THBS2: variants seen among roughly 807,000 people sequenced by gnomAD.
THBS2 encodes thrombospondin 2.
In THBS2, 47 loss-of-function variants were observed where a neutral mutation model predicts 135.2. The observed-to-expected ratio is 0.35, with a 90% CI of 0.28 to 0.44. The LOEUF is 0.44. Among genes scored for constraint, THBS2 ranks in the 20% least tolerant of loss-of-function variants. THBS2 has a pLI of 1.00. For missense variants in THBS2, 1,288 were observed against 1,603.1 expected (o/e 0.80, Z 3.36); for synonymous variants, 639 against 633.8 (o/e 1.01, Z -0.12).
chr6:169,238,296 A>C (rs1475789922), intron 7 of THBS2, among the ~76,000 whole-genome samples: 2 of 152,242 alleles, frequency 1.3e-5, no homozygotes. Flanking sequence ...AATAAAAAGG[A>C]GATTCCCTGT....
rs141459120 is a variant in THBS2 at position 169,237,686 on chromosome 6, G to A, written c.1239C>T (p.Asn413=). 1.6e-5 allele frequency: 25 copies of A among 1,612,894 alleles called. No individual in the cohort carries two copies. The highest frequency in any genetic ancestry group is 2.1e-5 in the Non-Finnish European group (25 of 1,179,968). The change falls in exon 8 of 22, where the codon AAC becomes AAT. Residue 413 remains asparagine (N), a synonymous_variant. Transcript: ENST00000617924. ...TCTGGATGGAGGGCCCCAAGCAGGT[G>A]TTGCTGGTGACGTCACAGGACCGGC... ...QRGRSCDVTS[N]TCLGPSIQTR...
chr6:169,220,146 C>T, intron 21 of THBS2, 52 bp downstream of exon 21: 2 of 1,591,644 alleles, frequency 1.3e-6, no homozygotes, highest in Non-Finnish European at 1.7e-6. Context: ...TACCCCTTTC[C>T]CTTTCTGGGT....
At chr6:169,227,174 G>C (rs576719373) in intron 15 of THBS2, among the ~76,000 whole-genome samples, 226 of 152,278 alleles carry the variant, frequency 1.5e-3, no homozygotes, top group African/African-American at 5.4e-3. Flanking sequence ...GCTCAGAAAG[G>C]GGGTGGCTGG....
Position 169,228,146 on chromosome 6 carries a change from A to G in THBS2, c.2395T>C (p.Cys799Arg), listed in dbSNP as rs1346684071. Reference sequence around the variant, plus strand: ...CCGTCCCCATCAATGTCCACGGAGCAGGCGTCACCCTCTCCATTGTTGTCT... The same window carrying G: ...CCGTCCCCATCAATGTCCACGGAGCGGGCGTCACCCTCTCCATTGTTGTCT... ...DTDNNGEGDA[C>R]SVDIDGDDVF... Residue 799 changes from cysteine (C) to arginine (R), a missense_variant, in exon 15 of 22, where the codon TGC becomes CGC. By Grantham distance (180) the Cys-to-Arg change is radical (BLOSUM62 -3). Around this residue, in one of 2 missense-constraint regions of THBS2, gnomAD observed 874 missense variants for 1,156.1 expected, o/e 0.76. Coordinates refer to ENST00000617924, the MANE Select transcript of THBS2 (RefSeq NM_003247.5). 1 of 1,613,130 alleles carries G rather than the reference A, an allele frequency of 6.2e-7. No homozygotes were observed. The highest frequency in any genetic ancestry group is 8.5e-7 in the Non-Finnish European group (1 of 1,179,940).
intron 13 of THBS2, 74 bp from the exon 14 acceptor site, chr6:169,229,753 A>C: frequency 3.2e-6 from 4 of 1,243,830 alleles, no homozygotes; most frequent in African/African-American, 1.5e-5. Context: ...AGGTGAAATG[A>C]AACCAGCATG....
intron 21 of THBS2, chr6:169,219,880 A>C: frequency 1.8e-6 from 1 of 570,628 alleles, no homozygotes; most frequent in South Asian, 1.4e-5. Flanking sequence ...AAGGGTACCA[A>C]TCTAAAATGG....
chr6:169,247,349 G>T (rs576994108), intron 3 of THBS2, among the ~76,000 whole-genome samples: 8 of 152,348 alleles, frequency 5.3e-5, no homozygotes, highest in African/African-American at 1.9e-4. Context: ...CATTGTGTGT[G>T]CACGTGTGCC....
At chr6:169,219,683 C>A in intron 21 of THBS2, 1 of 459,430 alleles carries the variant, frequency 2.2e-6, no homozygotes, top group Non-Finnish European at 4.4e-6. Context: ...TGAGAAGCAT[C>A]CTGAGCCTTA....
intron 4 of THBS2, among the ~76,000 whole-genome samples, chr6:169,243,060 A>ACTGCTC (rs1562363456): frequency 9.7e-5 from 1 of 10,314 alleles, no homozygotes; most frequent in Admixed American, 1.2e-3. Context: ...CCACCTTCCC[A>ACTGCTC]CCACTCCCAC....
rs564596536 is a variant in THBS2, at chr6:169,220,371, G to A, written c.3372-34C>T. On this transcript the variant is annotated intron_variant, in intron 20 of 21. Coordinates refer to ENST00000617924, the MANE Select transcript of THBS2 (RefSeq NM_003247.5). The stretch of plus-strand genomic sequence containing the variant: ...GGTGTTTAAAAAGAAGAAGAGGAAA[G>A]AAAGACAACATGAACTCTGTGAAGC... 87 of 1,596,028 alleles carry A rather than the reference G, an allele frequency of 5.5e-5. No homozygotes were observed. The South Asian group carries it at 9.5e-4, about 17-fold the overall frequency.
chr6:169,245,617 C>A (rs1232619002), intron 4 of THBS2, among the ~76,000 whole-genome samples: 1 of 151,862 alleles, frequency 6.6e-6, no homozygotes, highest in Non-Finnish European at 1.5e-5. Flanking sequence ...ACGCTGAAAC[C>A]CCATCTCTAC....
rs1035195727 is a variant in THBS2 at position 169,216,977 on chromosome 6, G to A, written c.*845C>T. ...CTGGTTCCTCTCAGGCAGCAAAGCT[G>A]GGGAAGGAAGCTCAGGCAGGAGCCT... is the stretch of plus-strand genomic sequence containing the variant. On this transcript the variant is annotated 3_prime_UTR_variant, in exon 22 of 22. Transcript: ENST00000617924. 6.6e-6 allele frequency: 1 copy of A among 152,256 alleles called. No homozygotes were observed. The highest frequency in any genetic ancestry group is 2.4e-5 in the African/African-American group (1 of 41,462). The allele number at this position is 152,256 out of a possible 1,614,324, so 9.4% of individuals were successfully genotyped here.
intron 3 of THBS2, among the ~76,000 whole-genome samples, chr6:169,248,076 T>C (rs891122743): frequency 1.3e-5 from 2 of 152,090 alleles, no homozygotes; most frequent in Non-Finnish European, 2.9e-5. Flanking sequence ...GTGGTGTGTG[T>C]ACATGTGTGA....
intron 2 of THBS2, among the ~76,000 whole-genome samples, chr6:169,249,497 T>C (rs1445072499): frequency 1.3e-5 from 2 of 152,216 alleles, no homozygotes; most frequent in Non-Finnish European, 2.9e-5. Flanking sequence ...GCCTTGCTAT[T>C]GATAGAGTGT....
chr6:169,220,722 A>T lies in THBS2; in HGVS notation c.3372-385T>A, dbSNP rs1779394775. Among the ~76,000 whole-genome samples the T allele has an allele frequency of 3.3e-5, 5 of 152,114 alleles. No homozygotes were observed. In the South Asian group the frequency reaches 1.0e-3, roughly 32 times the overall value. ...CATGAGCTCACCGGCTCTCCTCCCC[A>T]CTGTGGAAGCTGCGTGGGAGCAGGA... On this transcript the variant is annotated intron_variant, in intron 20 of 21. Transcript: ENST00000617924.
rs563557253 is a variant in THBS2 at position 169,233,105 on chromosome 6, G to A, written c.1652-88C>T. On this transcript the variant is annotated intron_variant, in intron 10 of 21. Coordinates refer to ENST00000617924, the MANE Select transcript of THBS2 (RefSeq NM_003247.5). The stretch of plus-strand genomic sequence containing the variant: ...CCCTGTGGGCCGTCAAACACTCTGG[G>A]ATGTCTTTGTCATCGAATTGTGTAG... The A allele has an allele frequency of 6.3e-6, 9 of 1,420,464 alleles. No individual in the cohort carries two copies. The African/African-American group carries it at 8.6e-5, about 14-fold the overall frequency. 88.0% of individuals were successfully genotyped at this position (1,420,464 alleles called of 1,614,324 possible).
chr6:169,232,276 C>G, intron 12 of THBS2, 78 bp from the exon 13 acceptor site: 1 of 1,509,524 alleles, frequency 6.6e-7, no homozygotes, highest in Middle Eastern at 1.7e-4. Flanking sequence ...CGTCGGGCAC[C>G]GCAGGCCCCA....
intron 21 of THBS2, among the ~76,000 whole-genome samples, chr6:169,218,766 T>G (rs1583402034): frequency 6.4e-5 from 7 of 109,222 alleles, no homozygotes; most frequent in African/African-American, 1.1e-4. Context: ...GATGGGTGGG[T>G]GGGTGGATGG....
intron 4 of THBS2, among the ~76,000 whole-genome samples, chr6:169,245,576 A>AG (rs1466477895): frequency 1.3e-5 from 2 of 152,142 alleles, no homozygotes; most frequent in Admixed American, 1.3e-4. Flanking sequence ...GCAGATCACG[A>AG]GGTCAGGAGA....
Sources: allele counts gnomAD v4.1 joint callset (sites outside exome capture counted in the v4.1 genomes callset), GRCh38; gene constraint gnomAD v4.1.1; regional missense constraint gnomAD v4.1.1; transcripts MANE v1.5; gene names NCBI Gene and HGNC (gene_info 2026-07-23, HGNC 2026-07-21).